The following USP53 variants were observed in gnomAD, a reference collection of about 807,000 sequenced individuals.
USP53 encodes ubiquitin specific peptidase 53.
USP53 carries 71 observed loss-of-function variants against 94.9 expected under a neutral mutation model. The ratio of observed to expected loss-of-function variants is 0.75; its 90% CI spans 0.62 to 0.91. USP53 has a LOEUF of 0.91. Ranked by LOEUF, USP53 falls within the 40% of genes least tolerant of loss-of-function variation. The pLI, the probability that USP53 is intolerant of heterozygous loss-of-function variation, is 0.00. For synonymous variants in USP53, 375 were observed against 422.7 expected (o/e 0.89, Z 1.39); for missense variants, 1,173 against 1,281.0 (o/e 0.92, Z 1.29).
Position 119,292,387 on chromosome 4 carries a change from C to A in USP53, c.2398C>A (p.Gln800Lys). The change falls in exon 19 of 19, where the codon CAA (glutamine) becomes AAA (lysine). Residue 800 changes from glutamine to lysine, a missense_variant. Physicochemically the swap from Gln to Lys is moderately conservative, Grantham distance 53. Coordinates refer to ENST00000692078, the MANE Select transcript of USP53 (RefSeq NM_001371395.1). ...AAAGTTATTTCCTTCATCCAGTCTA[C>A]AAATACCCAAGGACCATAATGCAAG... is the stretch of plus-strand genomic sequence containing the variant. ...NGKLFPSSSLQIPKDHNAREH... is the reference protein window; with the variant it reads ...NGKLFPSSSLKIPKDHNAREH... The A allele has an allele frequency of 6.2e-7, 1 of 1,612,504 alleles. No individual in the cohort carries two copies. The highest frequency in any genetic ancestry group is 8.5e-7 in the Non-Finnish European group (1 of 1,179,464).
Position 119,245,268 on chromosome 4 carries a change from A to T in USP53, c.145-69A>T. The stretch of plus-strand genomic sequence containing the variant: ...CCTTTTGCAATTTGTAAAATATCTA[A>T]ATCTGTCTTTTGTTACAGTAAGAAA... On this transcript the variant is annotated intron_variant, in intron 5 of 18. Transcript: ENST00000692078. 3.4e-6 allele frequency: 5 copies of T among 1,462,142 alleles called. No individual in the cohort carries two copies. In the Admixed American group the frequency reaches 8.7e-5, roughly 25 times the overall value. The allele number at this position is 1,462,142 out of a possible 1,614,324, so 90.6% of individuals were successfully genotyped here.
At position 119,274,231 on chromosome 4, in the gene USP53, G is replaced by A. The variant is rs542470419; in HGVS notation, c.2251+523G>A. Among the ~76,000 whole-genome samples, 108 of 146,974 alleles carry A rather than the reference G, an allele frequency of 7.3e-4. 1 individual carries two copies. The South Asian group carries it at 0.02, about 27-fold the overall frequency. ...CATCTAGCATTAGGTATATCTCCCA[G>A]TGCTATCCCTCCCCCCTCCCCCCAC... On this transcript the variant is annotated intron_variant, in intron 17 of 18. Transcript: ENST00000692078.
In USP53 at chr4:119,269,842, G is replaced by A; in HGVS notation, c.1435+5G>A. On this transcript the variant is annotated splice_donor_5th_base_variant and intron_variant, in intron 15 of 18. Transcript: ENST00000692078. ...AAGATTTAGGACGACATAGAGGTAAGTTAAGATCTTGTACTATTGATTTTA... is the reference window on the plus strand; with the variant it reads ...AAGATTTAGGACGACATAGAGGTAAATTAAGATCTTGTACTATTGATTTTA... 7.0e-7 allele frequency: 1 copy of A among 1,420,904 alleles called. No individual in the cohort carries two copies. 88.0% of individuals were successfully genotyped at this position (1,420,904 alleles called of 1,614,324 possible). A position where few individuals can be genotyped will look rare whatever the true frequency, so the allele number is the denominator to read the frequency against.
intron 1 of USP53, among the ~76,000 whole-genome samples, chr4:119,213,637 A>AATATATATATATATATAT (rs1178984967): frequency 2.5e-5 from 1 of 40,668 alleles, no homozygotes; most frequent in African/African-American, 1.3e-4. Flanking sequence ...CTTATCTGGA[A>AATATATATATATATATAT]ATAGATATAT....
chr4:119,236,486 C>G (rs1188050179), intron 4 of USP53, among the ~76,000 whole-genome samples: 3 of 152,212 alleles, frequency 2.0e-5, no homozygotes, highest in African/African-American at 7.2e-5. Context: ...TAGCATGTGA[C>G]ACTGTTTGAT....
chr4:119,226,235 G>C (rs1745235300), intron 3 of USP53, among the ~76,000 whole-genome samples: 1 of 152,182 alleles, frequency 6.6e-6, no homozygotes, highest in South Asian at 2.1e-4. Context: ...AAGACTGAAT[G>C]ATTTCATCTC....
Position 119,259,878 on chromosome 4 carries a change from G to C in USP53, c.628G>C (p.Glu210Gln), listed in dbSNP as rs996712169. ...HERFKPEMFA[E>Q]LLQAANTTDD... ...ACGCTTTAAACCTGAAATGTTTGCA[G>C]AATTGCTACAAGCAGCAAATACAAC... The change falls in exon 10 of 19, where the codon GAA becomes CAA. Residue 210 changes from glutamate (E) to glutamine (Q), a missense_variant. Transcript: ENST00000692078. 5 of 1,612,490 alleles carry C rather than the reference G, an allele frequency of 3.1e-6. No individual in the cohort carries two copies. Among genetic ancestry groups the C allele is most frequent in the Non-Finnish European group, 4.2e-6 (5 of 1,179,214 alleles).
At chr4:119,284,834 A>T (rs1753901445) in intron 17 of USP53, among the ~76,000 whole-genome samples, 2 of 151,914 alleles carry the variant, frequency 1.3e-5, no homozygotes, top group African/African-American at 4.8e-5. Flanking sequence ...GAGGACACCT[A>T]TTGCAAAGTT....
intron 17 of USP53, among the ~76,000 whole-genome samples, chr4:119,278,028 C>T (rs1420497549): frequency 3.4e-5 from 5 of 146,430 alleles, no homozygotes; most frequent in Non-Finnish European, 7.5e-5. Context: ...GAATACAGCA[C>T]ACTGATGGGT....
intron 17 of USP53, among the ~76,000 whole-genome samples, chr4:119,277,593 AG>A (rs1286027200): frequency 3.3e-5 from 4 of 119,910 alleles, no homozygotes; most frequent in Non-Finnish European, 7.0e-5. Context: ...TGGGGTGGAG[AG>A]TTCTGTAGAT....
At chr4:119,275,561 G>A (rs1752510719) in intron 17 of USP53, among the ~76,000 whole-genome samples, 1 of 149,596 alleles carries the variant, frequency 6.7e-6, no homozygotes, top group African/African-American at 2.5e-5. Context: ...TTTTGGCTTA[G>A]GATTGACTTG....
chr4:119,235,840 G>A (rs1175510712), intron 4 of USP53, among the ~76,000 whole-genome samples: 3 of 152,006 alleles, frequency 2.0e-5, no homozygotes, highest in Admixed American at 6.6e-5. Context: ...TGAGACCATC[G>A]TTCATTATCC....
intron 3 of USP53, chr4:119,219,105 A>C (rs1744176822): frequency 6.6e-6 from 1 of 152,242 alleles, no homozygotes; most frequent in African/African-American, 2.4e-5. Context: ...TTGATAATCA[A>C]AAAAATCCAT....
chr4:119,242,773 A>G (rs1338326974), intron 5 of USP53, among the ~76,000 whole-genome samples: 1 of 152,242 alleles, frequency 6.6e-6, no homozygotes, highest in Non-Finnish European at 1.5e-5. Context: ...TTGAAAATTC[A>G]GAATACAAAT....
intron 12 of USP53, chr4:119,266,431 T>C (rs1373727832): frequency 2.3e-6 from 1 of 440,548 alleles, no homozygotes; most frequent in Non-Finnish European, 4.6e-6. Flanking sequence ...AGAGTTCCTG[T>C]TGTTCCACAT....
intron 5 of USP53, among the ~76,000 whole-genome samples, chr4:119,242,712 C>T (rs1473953061): frequency 6.6e-6 from 1 of 152,196 alleles, no homozygotes; most frequent in Non-Finnish European, 1.5e-5. Context: ...CTAATTCTCC[C>T]TGACAAAACA....
chr4:119,267,496 T>C lies in USP53; in HGVS notation c.1135+14T>C, dbSNP rs1751297014. The C allele has an allele frequency of 6.2e-7, 1 of 1,600,912 alleles. No individual in the cohort carries two copies. Among genetic ancestry groups the C allele is most frequent in the Middle Eastern group, 1.7e-4 (1 of 5,992 alleles). On this transcript the variant is annotated intron_variant, in intron 13 of 18. Transcript: ENST00000692078. Reference sequence around the variant, plus strand: ...CAGAAAATATGGGTAATTCTTTCTTTTAAAAATTCTCAATGTTTTTCTATT... The same window carrying C: ...CAGAAAATATGGGTAATTCTTTCTTCTAAAAATTCTCAATGTTTTTCTATT...
intron 5 of USP53, 81 bp from the exon 6 acceptor site, chr4:119,245,256 G>A: frequency 1.5e-6 from 2 of 1,371,622 alleles, no homozygotes; most frequent in Non-Finnish European, 2.1e-6. Flanking sequence ...TTTGCAATTT[G>A]TAAAATATCT....
chr4:119,212,690 C>T (rs1404554856), upstream of USP53: 4 of 342,906 alleles, frequency 1.2e-5, no homozygotes, highest in African/African-American at 2.2e-5. Flanking sequence ...CTCTGGGCGG[C>T]GGAGACCAGC....
Sources: allele counts gnomAD v4.1 joint callset (sites outside exome capture counted in the v4.1 genomes callset), GRCh38; gene constraint gnomAD v4.1.1; transcripts MANE v1.5; gene names NCBI Gene and HGNC (gene_info 2026-07-23, HGNC 2026-07-21).